The following PAK1 variants were observed in gnomAD, a reference collection of about 807,000 sequenced individuals.
PAK1 encodes the protein serine/threonine-protein kinase PAK 1.
A neutral mutation model predicts 67.4 loss-of-function variants in PAK1; 29 were observed. The ratio of observed to expected loss-of-function variants is 0.43; its 90% CI spans 0.32 to 0.59. The LOEUF (loss-of-function observed/expected upper bound fraction) is 0.59, where lower values mean the gene tolerates loss of function less well. Among genes scored for constraint, PAK1 ranks in the 20% least tolerant of loss-of-function variants. The pLI, the probability that PAK1 is intolerant of heterozygous loss-of-function variation, is 0.07. For synonymous variants in PAK1, 223 were observed against 237.4 expected, an observed-to-expected ratio of 0.94 and a Z score of 0.56; for missense variants, 337 against 670.7, an observed-to-expected ratio of 0.50 and a Z score of 5.50.
At chr11:77,519,598 T>G in the PAK1 span, among the ~76,000 whole-genome samples, 10 of 152,338 alleles carry the variant, frequency 6.6e-5, no homozygotes, top group African/African-American at 2.4e-4. Flanking sequence ...TCTAATTCTT[T>G]CATCCCTTAT....
Position 77,446,511 on chromosome 11 carries a change from CAAAAAAAAAAA to C in PAK1, c.-22+27030_-22+27040del, listed in dbSNP as rs56952838. On this transcript the variant is annotated intron_variant, in intron 1 of 14. Transcript: ENST00000356341. ...TGAGTGAAACAGCGAGACCCTGTCT[CAAAAAAAAAAA>C]AAAAAAAAAAAAGAAAGTTCAGACC... 1.3e-3 allele frequency among the ~76,000 whole-genome samples: 78 copies of C among 60,660 alleles called. No individual in the cohort carries two copies. The South Asian group carries it at 0.026, about 20-fold the overall frequency. The allele number at this position is 60,660 out of a possible 152,430, so 39.8% of individuals were successfully genotyped here.
chr11:77,479,909 A>C, the PAK1 span, among the ~76,000 whole-genome samples: 1 of 152,144 alleles, frequency 6.6e-6, no homozygotes, highest in Non-Finnish European at 1.5e-5. Context: ...TGCTGGGCCC[A>C]AAATCACAAA....
At chr11:77,491,483 C>T in the PAK1 span, among the ~76,000 whole-genome samples, 3 of 151,706 alleles carry the variant, frequency 2.0e-5, no homozygotes, top group Non-Finnish European at 4.4e-5. Context: ...GAGCCATGAT[C>T]GTGTCACTGC....
chr11:77,370,643 T>C (rs1197089678), intron 5 of PAK1, among the ~76,000 whole-genome samples: 2 of 152,242 alleles, frequency 1.3e-5, no homozygotes, highest in African/African-American at 2.4e-5. Flanking sequence ...CTTTTCTGCT[T>C]TCTATCTTCC....
intron 14 of PAK1, among the ~76,000 whole-genome samples, chr11:77,329,790 C>A (rs1041351310): frequency 1.5e-4 from 23 of 151,966 alleles, no homozygotes; most frequent in Non-Finnish European, 2.2e-4. Context: ...CCAGGGCAAT[C>A]AGGCAGGAGA....
At chr11:77,447,669 C>T (rs371458525) in intron 1 of PAK1, among the ~76,000 whole-genome samples, 2 of 151,986 alleles carry the variant, frequency 1.3e-5, no homozygotes, top group African/African-American at 4.8e-5. Context: ...GGATTACAGG[C>T]GCCCACCACC....
chr11:77,365,958 G>A (rs1034200737), intron 5 of PAK1, among the ~76,000 whole-genome samples: 13 of 152,114 alleles, frequency 8.5e-5, no homozygotes, highest in African/African-American at 2.9e-4. Context: ...AGGCCAGTCA[G>A]TATAATTAAC....
intron 12 of PAK1, 72 bp downstream of exon 12, chr11:77,337,252 A>G (rs1307929072): frequency 1.4e-6 from 1 of 710,318 alleles, no homozygotes; most frequent in Non-Finnish European, 2.5e-6. Flanking sequence ...TTACTATTAT[A>G]TGATGACCAT....
At chr11:77,423,289 A>G (rs2138210578) in intron 1 of PAK1, among the ~76,000 whole-genome samples, 1 of 151,156 alleles carries the variant, frequency 6.6e-6, no homozygotes, top group Admixed American at 6.6e-5. Flanking sequence ...TCACAATTTG[A>G]TATATTCCCA....
chr11:77,332,624 A>G, intron 14 of PAK1, 106 bp downstream of exon 14: 2 of 855,830 alleles, frequency 2.3e-6, no homozygotes, highest in Non-Finnish European at 3.8e-6. Flanking sequence ...AAGTGGTAGA[A>G]GAGAAGCCTA....
chr11:77,393,377 C>T (rs1317276095), intron 1 of PAK1, among the ~76,000 whole-genome samples: 1 of 151,998 alleles, frequency 6.6e-6, no homozygotes, highest in Non-Finnish European at 1.5e-5. Context: ...TCACTGCAGC[C>T]TCAAACTCCA....
the PAK1 span, among the ~76,000 whole-genome samples, chr11:77,490,506 G>A: frequency 1.4e-5 from 2 of 145,634 alleles, no homozygotes; most frequent in Admixed American, 1.3e-4. Flanking sequence ...GGAGGGAGGT[G>A]GGGGGTCAGC....
At chr11:77,405,120 G>C (rs2602462) in intron 1 of PAK1, among the ~76,000 whole-genome samples, 1 of 152,084 alleles carries the variant, frequency 6.6e-6, no homozygotes, top group African/African-American at 2.4e-5. Context: ...TTAAGCGAAG[G>C]AGTAATAAGT....
intron 1 of PAK1, among the ~76,000 whole-genome samples, chr11:77,459,914 T>G (rs1957255814): frequency 6.6e-6 from 1 of 151,864 alleles, no homozygotes; most frequent in Non-Finnish European, 1.5e-5. Flanking sequence ...GCCAGGATGG[T>G]CTCGATCTCC....
Position 77,473,646 on chromosome 11 carries a change from A to G in PAK1, c.-116T>C, listed in dbSNP as rs984926131. 1.4e-5 allele frequency: 2 copies of G among 147,982 alleles called. No individual in the cohort carries two copies. Among genetic ancestry groups the G allele is most frequent in the Admixed American group, 6.7e-5 (1 of 14,936 alleles). The allele number at this position is 147,982 out of a possible 1,614,324, so 9.2% of individuals were successfully genotyped here. On this transcript the variant is annotated 5_prime_UTR_variant, in exon 1 of 15. Coordinates refer to ENST00000356341, the MANE Select transcript of PAK1 (RefSeq NM_002576.5). ...GTGAGGGCGCGAGTGTGCGCGAGCT[A>G]CCGCTTCACTTTCTCCCTCCTGCCG...
At chr11:77,379,012 T>C (rs1949469685) in intron 4 of PAK1, among the ~76,000 whole-genome samples, 2 of 152,214 alleles carry the variant, frequency 1.3e-5, no homozygotes, top group South Asian at 2.1e-4. Context: ...GTTCTCTCTA[T>C]ATAATACCAT....
chr11:77,375,167 A>G (rs1035831403), intron 4 of PAK1, among the ~76,000 whole-genome samples: 5 of 152,234 alleles, frequency 3.3e-5, no homozygotes, highest in African/African-American at 1.2e-4. Context: ...GGTTAAAGAG[A>G]GGAATTAGAT....
At chr11:77,344,450 G>A (rs1322870214) in intron 9 of PAK1, among the ~76,000 whole-genome samples, 1 of 152,158 alleles carries the variant, frequency 6.6e-6, no homozygotes, top group Non-Finnish European at 1.5e-5. Context: ...TAAGAAAGAA[G>A]AGAAAAGGAG....
chr11:77,520,404 G>C, the PAK1 span, among the ~76,000 whole-genome samples: 2 of 152,098 alleles, frequency 1.3e-5, no homozygotes, highest in Non-Finnish European at 2.9e-5. Context: ...GAGACAAACC[G>C]GGTTATTAGA....
Sources: gnomAD v4.1 joint callset for allele counts (sites outside exome capture counted in the v4.1 genomes callset) on GRCh38, gnomAD v4.1.1 for gene constraint, MANE v1.5 for transcripts, NCBI Gene and HGNC (gene_info 2026-07-23, HGNC 2026-07-21) for gene names.